The following HERC1 variants were observed in gnomAD, a reference collection of about 807,000 sequenced individuals.
HERC1 encodes the protein probable E3 ubiquitin-protein ligase HERC1.
In HERC1, 160 loss-of-function variants were observed where a neutral mutation model predicts 554.3. That is an observed-to-expected ratio of 0.29 (90% CI 0.25 to 0.33). The LOEUF (loss-of-function observed/expected upper bound fraction) is 0.33. Among genes scored for constraint, HERC1 ranks in the 10% least tolerant of loss-of-function variants. HERC1 has a pLI of 1.00. For missense variants in HERC1, 4,919 were observed against 5,918.5 expected (o/e 0.83, Z 5.54); for synonymous variants, 2,175 against 2,131.7 (o/e 1.02, Z -0.56).
At chr15:63,648,361 G>A (rs1279389374) in intron 54 of HERC1, among the ~76,000 whole-genome samples, 162 bp from the exon 55 acceptor site, 1 of 152,218 alleles carries the variant, frequency 6.6e-6, no homozygotes, top group Non-Finnish European at 1.5e-5. Flanking sequence ...GTACAGTGGG[G>A]ATTCCATGTA....
intron 7 of HERC1, among the ~76,000 whole-genome samples, chr15:63,754,223 T>C (rs778235125): frequency 5.9e-5 from 9 of 151,954 alleles, no homozygotes; most frequent in Non-Finnish European, 1.0e-4. Flanking sequence ...AAAACATATA[T>C]AAACTTATAT....
chr15:63,669,030 T>A (rs1482473374), intron 40 of HERC1, among the ~76,000 whole-genome samples: 1 of 152,162 alleles, frequency 6.6e-6, no homozygotes, highest in Admixed American at 6.5e-5. Flanking sequence ...GTAAGACAAG[T>A]CTCAATAAAT....
In HERC1 at chr15:63,718,338, A is replaced by G; in HGVS notation, c.3978+236T>C. 2.5e-6 allele frequency: 1 copy of G among 405,860 alleles called. No individual in the cohort carries two copies. The highest frequency in any genetic ancestry group is 4.4e-6 in the Non-Finnish European group (1 of 226,442). 25.1% of individuals were successfully genotyped at this position (405,860 alleles called of 1,614,324 possible). ...TATGATTTGAATCATTCAATTTGTT[A>G]TTAATATTTATGCAGCCAACTAAAG... On this transcript the variant is annotated intron_variant, in intron 21 of 77. Coordinates refer to ENST00000443617, the MANE Select transcript of HERC1 (RefSeq NM_003922.4). The surrounding 1 kb of genome is among the most constrained non-coding windows in gnomAD (Gnocchi z 4.2).
intron 55 of HERC1, among the ~76,000 whole-genome samples, chr15:63,647,785 G>A (rs2069435324): frequency 6.6e-6 from 1 of 152,096 alleles, no homozygotes; most frequent in Non-Finnish European, 1.5e-5. Context: ...ACTTTTAAGT[G>A]GTTATTATTA....
chr15:63,776,085 T>G (rs13379670), intron 1 of HERC1, among the ~76,000 whole-genome samples: 2 of 151,628 alleles, frequency 1.3e-5, no homozygotes, highest in Non-Finnish European at 2.9e-5. Context: ...TTTCTTCAGA[T>G]GTACCTTTTC....
In HERC1 at chr15:63,669,701, T is replaced by G; in HGVS notation, c.8046-3A>C. 6.2e-7 allele frequency: 1 copy of G among 1,612,248 alleles called. No individual in the cohort carries two copies. Among genetic ancestry groups the G allele is most frequent in the East Asian group, 2.2e-5 (1 of 44,846 alleles). ...TTGGGTAACTAGAGAACATTTGCCT[T>G]TAAGAAAATAACAGTGGTTAGCATA... On this transcript the variant is annotated splice_polypyrimidine_tract_variant and splice_region_variant and intron_variant, in intron 39 of 77. Coordinates refer to ENST00000443617, the MANE Select transcript of HERC1 (RefSeq NM_003922.4).
intron 77 of HERC1, among the ~76,000 whole-genome samples, chr15:63,609,650 G>A (rs1430472233): frequency 6.6e-6 from 1 of 152,136 alleles, no homozygotes; most frequent in African/African-American, 2.4e-5. Context: ...CAGCTGCAGG[G>A]ATGCCCCCAC....
intron 25 of HERC1, among the ~76,000 whole-genome samples, chr15:63,706,357 G>T (rs2153096061): frequency 6.6e-6 from 1 of 152,184 alleles, no homozygotes; most frequent in South Asian, 2.1e-4. Flanking sequence ...TTCAACGTGT[G>T]TGTACACGTG....
chr15:63,715,024 C>A lies in HERC1; in HGVS notation c.4150+1278G>T, dbSNP rs144609799. On this transcript the variant is annotated intron_variant, in intron 22 of 77. Transcript: ENST00000443617. ...TTCTACAAAAATCAAAGCAATAAAC[C>A]CTCTCAGAGTCCAGAGCTAGAAATC... is the stretch of plus-strand genomic sequence containing the variant. 3.9e-5 allele frequency among the ~76,000 whole-genome samples: 6 copies of A among 151,984 alleles called. No individual in the cohort carries two copies. In the East Asian group the frequency reaches 1.2e-3, roughly 29 times the overall value.
At chr15:63,793,492 C>A (rs150990163) in intron 1 of HERC1, among the ~76,000 whole-genome samples, 12 of 152,178 alleles carry the variant, frequency 7.9e-5, no homozygotes, top group African/African-American at 2.9e-4. Context: ...GGGGAGGAAC[C>A]CTCAGTTTCG....
intron 69 of HERC1, 34 bp downstream of exon 69, chr15:63,630,432 A>G (rs746056097): frequency 1.9e-6 from 3 of 1,589,498 alleles, no homozygotes; most frequent in Admixed American, 1.8e-5. Flanking sequence ...GATTTCTAGA[A>G]TATGAGAAAG....
At position 63,680,692 on chromosome 15, in the gene HERC1, T is replaced by C; in HGVS notation, c.6310A>G (p.Thr2104Ala). 6.2e-7 allele frequency: 1 copy of C among 1,613,810 alleles called. No individual in the cohort carries two copies. The highest frequency in any genetic ancestry group is 8.5e-7 in the Non-Finnish European group (1 of 1,179,748). The change falls in exon 35 of 78, where the codon ACT (threonine) becomes GCT (alanine). Residue 2104 changes from threonine to alanine, a missense_variant. Coordinates refer to ENST00000443617, the MANE Select transcript of HERC1 (RefSeq NM_003922.4). This position sits in a 1 kb window ranked among gnomAD's most constrained non-coding sequence, Gnocchi z 5.8. Reference protein sequence around the residue: ...RWPVHDFNHRTTSDMWLYRAY... With the variant: ...RWPVHDFNHRATSDMWLYRAY... Reference sequence around the variant, plus strand: ...CTATAGAGCCACATATCCGAGGTAGTGCGGTGATTAAAGTCATGTACTGGC... The same window carrying C: ...CTATAGAGCCACATATCCGAGGTAGCGCGGTGATTAAAGTCATGTACTGGC...
intron 7 of HERC1, among the ~76,000 whole-genome samples, chr15:63,753,597 T>G (rs909208271): frequency 2.1e-4 from 32 of 152,096 alleles, no homozygotes; most frequent in African/African-American, 7.0e-4. Flanking sequence ...AAAAAAAGTA[T>G]AAATTAAATG....
intron 1 of HERC1, among the ~76,000 whole-genome samples, chr15:63,815,895 G>A (rs572038425): frequency 4.6e-5 from 7 of 152,272 alleles, no homozygotes; most frequent in Admixed American, 4.6e-4. Context: ...ATGGGGGCAA[G>A]AAGGAGAAGT....
chr15:63,737,391 G>GTTTTTCCAGATATATATATATATCT (rs2074558481), intron 12 of HERC1, among the ~76,000 whole-genome samples: 2 of 55,912 alleles, frequency 3.6e-5, no homozygotes, highest in South Asian at 4.1e-4. Flanking sequence ...TATATATATC[G>GTTTTTCCAGATATATATATATATCT]TTTTTCCAGA....
intron 40 of HERC1, 70 bp from the exon 41 acceptor site, chr15:63,666,542 G>C: frequency 1.0e-6 from 1 of 988,678 alleles, no homozygotes; most frequent in East Asian, 2.4e-5. Context: ...TGTCTTCATA[G>C]TCCTCAATTT....
intron 1 of HERC1, among the ~76,000 whole-genome samples, chr15:63,809,076 CAT>C (rs1421568531): frequency 1.1e-4 from 16 of 151,976 alleles, no homozygotes; most frequent in African/African-American, 3.1e-4. Context: ...AGAATACTTA[CAT>C]ATGAGTATGA....
intron 74 of HERC1, among the ~76,000 whole-genome samples, chr15:63,617,814 GA>G (rs747621504): frequency 6.6e-6 from 1 of 152,192 alleles, no homozygotes; most frequent in Non-Finnish European, 1.5e-5. Flanking sequence ...CTTCTTTTGA[GA>G]AGTGTCTGTT....
chr15:63,833,002 T>C (rs1411304008), intron 1 of HERC1, among the ~76,000 whole-genome samples: 2 of 152,316 alleles, frequency 1.3e-5, no homozygotes, highest in Non-Finnish European at 2.9e-5. Flanking sequence ...TCTGTCCCTG[T>C]GTTTCACAGC....
Sources: allele counts gnomAD v4.1 joint callset (sites outside exome capture counted in the v4.1 genomes callset), GRCh38; gene constraint gnomAD v4.1.1; non-coding constraint Gnocchi (gnomAD v3.1); transcripts MANE v1.5; gene names NCBI Gene and HGNC (gene_info 2026-07-23, HGNC 2026-07-21).